The following RETREG1 variants were observed in gnomAD, a reference collection of about 807,000 sequenced individuals.
RETREG1 encodes family with sequence similarity 134 member B.
In RETREG1, 44 loss-of-function variants were observed where a neutral mutation model predicts 54.8. That is an observed-to-expected ratio of 0.80 (90% CI 0.63 to 1.03). The LOEUF (loss-of-function observed/expected upper bound fraction) is 1.03, where lower values mean the gene tolerates loss of function less well. Among genes scored for constraint, RETREG1 ranks in the 50% least tolerant of loss-of-function variants. The pLI is 0.00. For missense variants in RETREG1, 554 were observed against 605.1 expected (o/e 0.92, Z 0.89); for synonymous variants, 217 against 238.5 (o/e 0.91, Z 0.83).
intron 1 of RETREG1, among the ~76,000 whole-genome samples, chr5:16,595,153 G>A (rs1282723893): frequency 1.3e-5 from 2 of 152,196 alleles, no homozygotes; most frequent in Admixed American, 6.5e-5. Context: ...TGAGAGTCCC[G>A]TCAGGATGGC....
At chr5:16,476,909 A>G (rs3761754) in intron 8 of RETREG1, among the ~76,000 whole-genome samples, 44,377 of 151,996 alleles carry the variant, frequency 0.29, 6,724 homozygotes, top group African/African-American at 0.38. Flanking sequence ...CTTAAAAGTC[A>G]GAAACAAAAA....
intron 1 of RETREG1, among the ~76,000 whole-genome samples, chr5:16,573,051 C>T (rs143342731): frequency 0.018 from 2,717 of 151,896 alleles, 40 homozygotes; most frequent in Non-Finnish European, 0.028. Flanking sequence ...GGCATGGTGG[C>T]GTGCGCCTGC....
chr5:16,550,995 T>C (rs1323050080), intron 3 of RETREG1, among the ~76,000 whole-genome samples: 1 of 152,204 alleles, frequency 6.6e-6, no homozygotes, highest in East Asian at 1.9e-4. Context: ...TTTGGGGTGA[T>C]GGAAATGTTC....
At chr5:16,495,061 C>T (rs1001650273) in intron 3 of RETREG1, among the ~76,000 whole-genome samples, 1 of 152,124 alleles carries the variant, frequency 6.6e-6, no homozygotes, top group Non-Finnish European at 1.5e-5. Context: ...CTGCATTGTG[C>T]CCCTGCCCTG....
chr5:16,474,999 C>T lies in RETREG1; in HGVS notation c.1236G>A (p.Leu412=). ...SDQTFHLMSN[L]AGDVITAAVT... ...CTGCAGCTGTGATAACATCCCCAGC[C>T]AGGTTGCTCATCAGGTGAAAGGTTT... The change falls in exon 9 of 9, where the codon CTG becomes CTA. Residue 412 remains leucine (L), a synonymous_variant. Coordinates refer to ENST00000306320, the MANE Select transcript of RETREG1 (RefSeq NM_001034850.3). The T allele has an allele frequency of 6.2e-7, 1 of 1,613,286 alleles. No homozygotes were observed. Among genetic ancestry groups the T allele is most frequent in the Non-Finnish European group, 8.5e-7 (1 of 1,179,374 alleles).
chr5:16,504,275 G>A (rs1739852646), intron 3 of RETREG1, among the ~76,000 whole-genome samples: 1 of 152,136 alleles, frequency 6.6e-6, no homozygotes, highest in Admixed American at 6.5e-5. Flanking sequence ...TGGTGTATAT[G>A]TACCACATTT....
At chr5:16,524,292 A>G (rs1561103865) in intron 3 of RETREG1, among the ~76,000 whole-genome samples, 1 of 152,128 alleles carries the variant, frequency 6.6e-6, no homozygotes, top group Admixed American at 6.5e-5. Context: ...ACCATTTCCA[A>G]TGTACTCCCA....
At chr5:16,572,187 A>G in intron 1 of RETREG1, 85 bp from the exon 2 acceptor site, 1 of 900,520 alleles carries the variant, frequency 1.1e-6, no homozygotes, top group Non-Finnish European at 1.8e-6. Context: ...CCACAGAAAC[A>G]AAAAAGGTAT....
intron 3 of RETREG1, among the ~76,000 whole-genome samples, chr5:16,549,548 A>G (rs1405199992): frequency 6.6e-6 from 1 of 152,232 alleles, no homozygotes; most frequent in Non-Finnish European, 1.5e-5. Flanking sequence ...CAATTTAAAA[A>G]TAAAGTTTCT....
chr5:16,595,795 G>C (rs988806391), intron 1 of RETREG1, among the ~76,000 whole-genome samples: 1 of 152,112 alleles, frequency 6.6e-6, no homozygotes, highest in East Asian at 1.9e-4. Context: ...CTGAGACAAC[G>C]GCCTGAATCT....
chr5:16,536,233 C>A (rs1211162271), intron 3 of RETREG1, among the ~76,000 whole-genome samples: 2 of 152,190 alleles, frequency 1.3e-5, no homozygotes, highest in African/African-American at 4.8e-5. Flanking sequence ...AATGCTAGGA[C>A]TGACCAGAAT....
chr5:16,526,729 A>G (rs991190891), intron 3 of RETREG1, among the ~76,000 whole-genome samples: 1 of 152,222 alleles, frequency 6.6e-6, no homozygotes, highest in African/African-American at 2.4e-5. Flanking sequence ...TATTAGAAAT[A>G]TTCAATATTT....
At chr5:16,534,289 A>G (rs1740995664) in intron 3 of RETREG1, among the ~76,000 whole-genome samples, 2 of 152,148 alleles carry the variant, frequency 1.3e-5, no homozygotes, top group South Asian at 4.1e-4. Context: ...TAAAAAACAA[A>G]CAACGAACCA....
chr5:16,536,024 A>G (rs1195498851), intron 3 of RETREG1, among the ~76,000 whole-genome samples: 1 of 149,352 alleles, frequency 6.7e-6, no homozygotes, highest in African/African-American at 2.5e-5. Context: ...CTGCCTTCAC[A>G]AAGTGGGAGC....
intron 3 of RETREG1, among the ~76,000 whole-genome samples, chr5:16,530,830 C>A (rs1740893712): frequency 6.6e-6 from 1 of 151,866 alleles, no homozygotes; most frequent in Non-Finnish European, 1.5e-5. Flanking sequence ...CCACTGCACT[C>A]CAGCCTGGGA....
At chr5:16,528,426 G>A (rs1240261526) in intron 3 of RETREG1, among the ~76,000 whole-genome samples, 9 of 152,038 alleles carry the variant, frequency 5.9e-5, no homozygotes, top group African/African-American at 1.7e-4. Context: ...AAAAGGGGAC[G>A]GTCACCCCAG....
intron 3 of RETREG1, among the ~76,000 whole-genome samples, chr5:16,547,092 G>T (rs1359755030): frequency 6.6e-6 from 1 of 152,178 alleles, no homozygotes; most frequent in Non-Finnish European, 1.5e-5. Context: ...GGTCCGGCAG[G>T]GTCTGCCTTC....
chr5:16,556,269 CTGCCTCA>C (rs1741704992), intron 3 of RETREG1, among the ~76,000 whole-genome samples: 1 of 152,030 alleles, frequency 6.6e-6, no homozygotes, highest in Non-Finnish European at 1.5e-5. Flanking sequence ...CGCCATTCTC[CTGCCTCA>C]GCCTCCGGAG....
At chr5:16,494,427 T>C (rs1411070399) in intron 3 of RETREG1, among the ~76,000 whole-genome samples, 2 of 152,078 alleles carry the variant, frequency 1.3e-5, no homozygotes, top group Non-Finnish European at 2.9e-5. Context: ...TGGGAGGTGG[T>C]TGAATCGGGG....
Sources: allele counts gnomAD v4.1 joint callset (sites outside exome capture counted in the v4.1 genomes callset), GRCh38; gene constraint gnomAD v4.1.1; transcripts MANE v1.5; gene names NCBI Gene and HGNC (gene_info 2026-07-23, HGNC 2026-07-21).